The following IKZF1 variants were observed in gnomAD, a reference collection of about 807,000 sequenced individuals.
The protein encoded by IKZF1 is IKAROS family zinc finger 1, also known as DNA-binding protein Ikaros.
In IKZF1, 10 loss-of-function variants were observed where a neutral mutation model predicts 51.7. That is an observed-to-expected ratio of 0.19 (90% confidence interval 0.12 to 0.33). The LOEUF is 0.33. Ranked by LOEUF, IKZF1 falls within the 10% of genes least tolerant of loss-of-function variation. The pLI is 1.00. For missense variants in IKZF1, 484 were observed against 707.5 expected (o/e 0.68, Z 3.58); for synonymous variants, 280 against 282.3 (o/e 0.99, Z 0.08).
At chr7:50,331,482 G>A (rs919621973) in intron 3 of IKZF1, among the ~76,000 whole-genome samples, 30,365 of 151,574 alleles carry the variant, frequency 0.2, 4,048 homozygotes, top group African/African-American at 0.39. Context: ...ATAATAGATT[G>A]CAAGAGTGTC....
chr7:50,390,192 A>T (rs6978646), intron 6 of IKZF1, among the ~76,000 whole-genome samples: 60,086 of 151,746 alleles, frequency 0.4, 12,633 homozygotes, highest in Non-Finnish European at 0.49. Context: ...GCTGTGATTG[A>T]CTCTGGGGGG....
chr7:50,340,444 C>T (rs940478016), intron 3 of IKZF1, among the ~76,000 whole-genome samples: 14 of 152,266 alleles, frequency 9.2e-5, no homozygotes, highest in Non-Finnish European at 1.6e-4. Flanking sequence ...TGGGTGTGAT[C>T]GATGGAAGGC....
At chr7:50,362,166 T>C (rs1360728012) in intron 3 of IKZF1, among the ~76,000 whole-genome samples, 1 of 152,220 alleles carries the variant, frequency 6.6e-6, no homozygotes, top group African/African-American at 2.4e-5. Flanking sequence ...GGAAGGTAGC[T>C]CCAACAGCTG....
At chr7:50,395,859 G>C (rs1816567432) in intron 7 of IKZF1, among the ~76,000 whole-genome samples, 1 of 152,112 alleles carries the variant, frequency 6.6e-6, no homozygotes, top group Non-Finnish European at 1.5e-5. Context: ...ATGGTCTTGG[G>C]CCACTCTTTC....
In IKZF1 at chr7:50,393,072, G is replaced by A. The variant is rs191818979; in HGVS notation, c.850+1209G>A. Among the ~76,000 whole-genome samples, 329 of 152,238 alleles carry A rather than the reference G, an allele frequency of 2.2e-3. 2 individuals are homozygous for A. Among genetic ancestry groups the A allele is most frequent in the African/African-American group, 7.7e-3 (319 of 41,532 alleles). On this transcript the variant is annotated intron_variant, in intron 7 of 7. Coordinates refer to ENST00000331340, the MANE Select transcript of IKZF1 (RefSeq NM_006060.6). ...TTTTATGAGAACAAAGGCTAGGATAGTAAAGACAGCAAGTACCAAAAAATG... is the reference window on the plus strand; with the variant it reads ...TTTTATGAGAACAAAGGCTAGGATAATAAAGACAGCAAGTACCAAAAAATG...
At chr7:50,306,153 C>T (rs1172671992) in intron 1 of IKZF1, among the ~76,000 whole-genome samples, 4 of 152,222 alleles carry the variant, frequency 2.6e-5, no homozygotes, top group African/African-American at 4.8e-5. Flanking sequence ...CCTTCTTACG[C>T]TGGCATCTTG....
chr7:50,383,572 C>T (rs558851887), intron 5 of IKZF1, among the ~76,000 whole-genome samples: 1 of 152,232 alleles, frequency 6.6e-6, no homozygotes, highest in Non-Finnish European at 1.5e-5. Context: ...CACAGGTCTC[C>T]TTCATACCGT....
chr7:50,317,946 G>A (rs1173349519), intron 1 of IKZF1, among the ~76,000 whole-genome samples: 1 of 152,152 alleles, frequency 6.6e-6, no homozygotes, highest in East Asian at 1.9e-4. Flanking sequence ...AATAAAAAGG[G>A]GGACAGGGGG....
intron 3 of IKZF1, chr7:50,328,000 T>C: frequency 2.1e-6 from 1 of 477,496 alleles, no homozygotes; most frequent in South Asian, 2.9e-5. Context: ...TGAGGAGCAA[T>C]CCTGCCCAGG....
chr7:50,401,153 T>G lies in IKZF1; in HGVS notation c.*526T>G. The G allele has an allele frequency of 4.1e-6, 1 of 241,852 alleles. No homozygotes were observed. Among genetic ancestry groups the G allele is most frequent in the Admixed American group, 5.6e-5 (1 of 17,932 alleles). 15.0% of individuals were successfully genotyped at this position (241,852 alleles called of 1,614,324 possible). A position where few individuals can be genotyped will look rare whatever the true frequency, so the allele number is the denominator to read the frequency against. ...AAGACACAGCAGGGCCAACAACCTG[T>G]GCCCAGGCCAGCTTCGAGCTACATG... On this transcript the variant is annotated 3_prime_UTR_variant, in exon 8 of 8. Coordinates refer to ENST00000331340, the MANE Select transcript of IKZF1 (RefSeq NM_006060.6).
chr7:50,316,197 AC>A (rs1791495436), intron 1 of IKZF1, among the ~76,000 whole-genome samples: 1 of 152,172 alleles, frequency 6.6e-6, no homozygotes, highest in Non-Finnish European at 1.5e-5. Context: ...CACAGAATTC[AC>A]AGGGCTCAGT....
At chr7:50,393,393 A>G (rs1815755682) in intron 7 of IKZF1, among the ~76,000 whole-genome samples, 2 of 152,142 alleles carry the variant, frequency 1.3e-5, no homozygotes, top group South Asian at 4.1e-4. Context: ...TGGTGAGGCC[A>G]AGGGTCCCAG....
intron 3 of IKZF1, among the ~76,000 whole-genome samples, chr7:50,335,329 G>A (rs1332447293): frequency 1.3e-5 from 2 of 150,080 alleles, no homozygotes; most frequent in African/African-American, 2.5e-5. Flanking sequence ...GTGTGTATGT[G>A]TGTATGGGAG....
intron 1 of IKZF1, among the ~76,000 whole-genome samples, chr7:50,305,555 A>G (rs758843369): frequency 6.6e-6 from 1 of 152,194 alleles, no homozygotes; most frequent in Admixed American, 6.5e-5. Flanking sequence ...GAGGCATCTA[A>G]TGACCGAAAA....
At chr7:50,308,584 C>T (rs1409543780) in intron 1 of IKZF1, 1 of 152,224 alleles carries the variant, frequency 6.6e-6, no homozygotes, top group Non-Finnish European at 1.5e-5. Context: ...CAGACGTCCA[C>T]ATAATTTCTG....
intron 3 of IKZF1, among the ~76,000 whole-genome samples, chr7:50,373,523 C>T (rs971739250): frequency 2.0e-5 from 3 of 152,208 alleles, no homozygotes; most frequent in African/African-American, 7.2e-5. Context: ...TGTCCTTTTT[C>T]TAGCCTCGGA....
chr7:50,400,811 ATTT>A lies in IKZF1; in HGVS notation c.*187_*189del. On this transcript the variant is annotated 3_prime_UTR_variant, in exon 8 of 8. Coordinates refer to ENST00000331340, the MANE Select transcript of IKZF1 (RefSeq NM_006060.6). This position sits in a 1 kb window ranked among gnomAD's most constrained non-coding sequence, Gnocchi z 5.4. ...TGGGGTTTGATTTGCTTTTGAAAAG[ATTT>A]TTATTTTTAGAGGCAGGGCTGCATT... 2.6e-6 allele frequency: 2 copies of A among 772,874 alleles called. No homozygotes were observed. The highest frequency in any genetic ancestry group is 2.0e-6 in the Non-Finnish European group (1 of 497,676). The allele number at this position is 772,874 out of a possible 1,614,324, so 47.9% of individuals were successfully genotyped here. A position where few individuals can be genotyped will look rare whatever the true frequency, so the allele number is the denominator to read the frequency against.
intron 1 of IKZF1, among the ~76,000 whole-genome samples, chr7:50,315,608 T>G (rs1182682619): frequency 6.6e-6 from 1 of 152,264 alleles, no homozygotes; most frequent in Non-Finnish European, 1.5e-5. Flanking sequence ...TCGCTTCTTT[T>G]AGGTCTTGCC....
intron 2 of IKZF1, among the ~76,000 whole-genome samples, chr7:50,323,175 A>G (rs976858918): frequency 4.0e-4 from 61 of 152,302 alleles, no homozygotes; most frequent in African/African-American, 1.3e-3. Context: ...TTTCAACCTC[A>G]CAAGGACCCA....
Sources: allele counts gnomAD v4.1 joint callset (sites outside exome capture counted in the v4.1 genomes callset), GRCh38; gene constraint gnomAD v4.1.1; non-coding constraint Gnocchi (gnomAD v3.1); transcripts MANE v1.5; gene names NCBI Gene and HGNC (gene_info 2026-07-23, HGNC 2026-07-21).